The following TBCK variants were observed in gnomAD, a reference collection of about 807,000 sequenced individuals.
TBCK encodes the protein TBC1 domain containing kinase.
A neutral mutation model predicts 113.4 loss-of-function variants in TBCK; 99 were observed. The observed-to-expected ratio is 0.87, with a 90% CI of 0.74 to 1.03. TBCK has a LOEUF of 1.03. Ranked by LOEUF, TBCK falls within the 50% of genes least tolerant of loss-of-function variation. The pLI is 0.00. For missense variants in TBCK, 1,045 were observed against 1,061.3 expected (o/e 0.98, Z 0.21); for synonymous variants, 369 against 370.8 (o/e 1.00, Z 0.05).
At chr4:106,261,483 C>T (rs1314821150) in intron 4 of TBCK, among the ~76,000 whole-genome samples, 4 of 152,036 alleles carry the variant, frequency 2.6e-5, no homozygotes, top group Non-Finnish European at 4.4e-5. Flanking sequence ...AAAAAATTTC[C>T]TCCAAGTTGT....
intron 23 of TBCK, among the ~76,000 whole-genome samples, chr4:106,169,887 A>G (rs984934864): frequency 9.2e-5 from 14 of 152,084 alleles, no homozygotes; most frequent in Admixed American, 6.6e-5. Context: ...GATCCCTCAC[A>G]TGCGCAGTTC....
chr4:106,079,998 T>G (rs953495033), intron 25 of TBCK, among the ~76,000 whole-genome samples: 1 of 152,060 alleles, frequency 6.6e-6, no homozygotes, highest in African/African-American at 2.4e-5. Flanking sequence ...CATGATCAAA[T>G]CACCTCCCAC....
intron 25 of TBCK, among the ~76,000 whole-genome samples, chr4:106,090,423 C>G (rs971626840): frequency 6.6e-6 from 1 of 152,184 alleles, no homozygotes; most frequent in Admixed American, 6.5e-5. Flanking sequence ...CCTAAGAACT[C>G]TGAAATGCCT....
chr4:106,100,987 A>G (rs1438217188), intron 24 of TBCK, among the ~76,000 whole-genome samples: 1 of 152,172 alleles, frequency 6.6e-6, no homozygotes, highest in Non-Finnish European at 1.5e-5. Context: ...CACCTGGTTT[A>G]GGTGCCCATC....
chr4:106,233,062 A>C lies in TBCK; in HGVS notation c.1515T>G (p.Ile505Met). 6.2e-7 allele frequency: 1 copy of C among 1,609,700 alleles called. No homozygotes were observed. The highest frequency in any genetic ancestry group is 8.5e-7 in the Non-Finnish European group (1 of 1,177,300). Residue 505 changes from isoleucine (I) to methionine (M), a missense_variant and splice_region_variant, in exon 17 of 26, where the codon ATT becomes ATG. By Grantham distance (10) the Ile-to-Met change is conservative. Coordinates refer to ENST00000394708, the MANE Select transcript of TBCK (RefSeq NM_001163435.3). ...GATGACAGCGAGGAATATCCACTTC[A>C]ATCTGTTAAAATAGCAAAATAATAA... ...KDTPIPTDRQIEVDIPRCHQY... is the reference protein window; with the variant it reads ...KDTPIPTDRQMEVDIPRCHQY...
At chr4:106,130,589 TAC>T (rs70941237) in intron 23 of TBCK, among the ~76,000 whole-genome samples, 7,237 of 142,348 alleles carry the variant, frequency 0.051, 421 homozygotes, top group East Asian at 0.27. Context: ...TTGCGCTAAA[TAC>T]ACACACACAC....
chr4:106,307,746 C>T (rs1767680295), intron 2 of TBCK, among the ~76,000 whole-genome samples: 1 of 151,952 alleles, frequency 6.6e-6, no homozygotes, highest in African/African-American at 2.4e-5. Flanking sequence ...TTAAGAAATG[C>T]AACCTTACCC....
chr4:106,211,890 C>T (rs1456598593), intron 20 of TBCK, among the ~76,000 whole-genome samples: 1 of 151,838 alleles, frequency 6.6e-6, no homozygotes, highest in East Asian at 1.9e-4. Flanking sequence ...AATTACATTT[C>T]CTACTTTAAT....
rs1406623949 is a variant in TBCK, at chr4:106,043,316, C to T, written c.*3254G>A. 6.6e-6 allele frequency: 1 copy of T among 151,984 alleles called. No individual in the cohort carries two copies. Among genetic ancestry groups the T allele is most frequent in the East Asian group, 1.9e-4 (1 of 5,198 alleles). 9.4% of individuals were successfully genotyped at this position (151,984 alleles called of 1,614,324 possible). ...TAGAGCTGGATGGGACTTTAGAGAT[C>T]CTTTTTTCACTCCATGAATTGAGAT... On this transcript the variant is annotated 3_prime_UTR_variant, in exon 26 of 26. Coordinates refer to ENST00000394708, the MANE Select transcript of TBCK (RefSeq NM_001163435.3).
intron 25 of TBCK, among the ~76,000 whole-genome samples, chr4:106,087,300 G>A (rs1013199465): frequency 1.3e-5 from 2 of 151,912 alleles, no homozygotes; most frequent in Non-Finnish European, 2.9e-5. Flanking sequence ...TAGGCAGGCA[G>A]AAAGCTAAAT....
At chr4:106,297,707 C>A (rs190723036) in intron 2 of TBCK, 1 of 152,362 alleles carries the variant, frequency 6.6e-6, no homozygotes, top group African/African-American at 2.4e-5. Flanking sequence ...CCTTAGGACA[C>A]TTACACATGG....
chr4:106,258,056 T>C (rs1484219078), intron 5 of TBCK, among the ~76,000 whole-genome samples: 1 of 152,078 alleles, frequency 6.6e-6, no homozygotes, highest in Non-Finnish European at 1.5e-5. Flanking sequence ...ATAAACTTTG[T>C]TTCAAATATT....
intron 2 of TBCK, among the ~76,000 whole-genome samples, chr4:106,307,738 A>T (rs549392810): frequency 6.6e-6 from 1 of 152,284 alleles, no homozygotes; most frequent in Admixed American, 6.5e-5. Context: ...AAATATTTTT[A>T]AGAAATGCAA....
chr4:106,200,576 T>C (rs1754768402), intron 20 of TBCK, among the ~76,000 whole-genome samples: 1 of 151,952 alleles, frequency 6.6e-6, no homozygotes, highest in South Asian at 2.1e-4. Context: ...CTTCTTTACC[T>C]GAGCACATAA....
intron 23 of TBCK, among the ~76,000 whole-genome samples, chr4:106,117,488 G>T (rs1364774957): frequency 1.3e-5 from 2 of 152,120 alleles, no homozygotes; most frequent in Non-Finnish European, 2.9e-5. Context: ...TGTGAAGGAG[G>T]TAACTTAAGA....
rs540424192 is a variant in TBCK, at chr4:106,042,100, G to T, written c.*4470C>A. ...ATTGAAGTTGGTAGCTGTGAAGAGG[G>T]TTTGGTCTTGACATTGAACATCCAA... On this transcript the variant is annotated 3_prime_UTR_variant, in exon 26 of 26. Coordinates refer to ENST00000394708, the MANE Select transcript of TBCK (RefSeq NM_001163435.3). 2.0e-5 allele frequency: 3 copies of T among 152,266 alleles called. No individual in the cohort carries two copies. Among genetic ancestry groups the T allele is most frequent in the Admixed American group, 2.0e-4 (3 of 15,298 alleles). 9.4% of individuals were successfully genotyped at this position (152,266 alleles called of 1,614,324 possible). A position where few individuals can be genotyped will look rare whatever the true frequency, so the allele number is the denominator to read the frequency against.
chr4:106,294,281 G>C (rs768337511), intron 3 of TBCK, among the ~76,000 whole-genome samples: 2 of 150,056 alleles, frequency 1.3e-5, no homozygotes, highest in Non-Finnish European at 3.0e-5. Context: ...CCTCCGCCCC[G>C]CGGGTTCAAG....
At position 106,232,966 on chromosome 4, in the gene TBCK, C is replaced by G; in HGVS notation, c.1611G>C (p.Val537=). ...KFRRVLKAWV[V]SHPDLVYWQG... is the part of the protein sequence containing the mutation. ...GCCAATACACAAGATCAGGATGAGACACTACCCAGGCTTTTAATACACGCC... is the reference window on the plus strand; with the variant it reads ...GCCAATACACAAGATCAGGATGAGAGACTACCCAGGCTTTTAATACACGCC... The change falls in exon 17 of 26, where the codon GTG becomes GTC. Residue 537 remains valine (V), a synonymous_variant. Transcript: ENST00000394708. 1 of 1,612,222 alleles carries G rather than the reference C, an allele frequency of 6.2e-7. No individual in the cohort carries two copies.
At chr4:106,214,610 T>C (rs1756627227) in intron 19 of TBCK, among the ~76,000 whole-genome samples, 1 of 151,906 alleles carries the variant, frequency 6.6e-6, no homozygotes, top group Admixed American at 6.6e-5. Context: ...GAAGAAAGGG[T>C]ATCAGCAATG....
Sources: gnomAD v4.1 joint callset for allele counts (sites outside exome capture counted in the v4.1 genomes callset) on GRCh38, gnomAD v4.1.1 for gene constraint, MANE v1.5 for transcripts, NCBI Gene and HGNC (gene_info 2026-07-23, HGNC 2026-07-21) for gene names.